SAXO1: variants seen among roughly 807,000 people sequenced by gnomAD.
The protein encoded by SAXO1 is 4930500O09Rik.
Under a neutral mutation model 17.5 loss-of-function variants are expected in SAXO1, and 21 were observed. The observed-to-expected ratio is 1.20, with a 90% confidence interval of 0.85 to 1.72. The LOEUF is 1.72. Ranked by LOEUF, SAXO1 falls within the 40% of genes most tolerant of loss-of-function variation. The pLI is 0.00. For synonymous variants in SAXO1, 274 were observed against 216.5 expected, an observed-to-expected ratio of 1.27 and a Z score of -2.33; for missense variants, 843 against 596.0, an observed-to-expected ratio of 1.41 and a Z score of -4.32.
At chr9:18,992,024 A>C (rs937132833) in intron 1 of SAXO1, among the ~76,000 whole-genome samples, 3 of 152,216 alleles carry the variant, frequency 2.0e-5, no homozygotes, top group Non-Finnish European at 4.4e-5. Flanking sequence ...GTCTATCCCA[A>C]AATGCCAGGC....
At chr9:18,945,208 G>T (rs1347752153) in intron 2 of SAXO1, among the ~76,000 whole-genome samples, 1 of 152,022 alleles carries the variant, frequency 6.6e-6, no homozygotes, top group Non-Finnish European at 1.5e-5. Context: ...CTCTCCTCAT[G>T]TCCCACCCAT....
chr9:18,970,522 G>C (rs917270523), intron 1 of SAXO1, among the ~76,000 whole-genome samples: 4 of 152,146 alleles, frequency 2.6e-5, no homozygotes, highest in Non-Finnish European at 4.4e-5. Flanking sequence ...GGAAGTTCTG[G>C]ATGAGTCTAT....
chr9:19,027,260 G>C, intron 1 of SAXO1: 1 of 1,018,244 alleles, frequency 9.8e-7, no homozygotes, highest in Non-Finnish European at 1.6e-6. Flanking sequence ...TGATTGGATT[G>C]GTGGATGTTG....
intron 1 of SAXO1, among the ~76,000 whole-genome samples, chr9:18,971,257 G>A (rs1256297027): frequency 3.3e-5 from 5 of 152,092 alleles, no homozygotes; most frequent in Non-Finnish European, 5.9e-5. Context: ...TCCACTGCTC[G>A]TAAGCTGCCA....
chr9:18,989,449 T>C (rs941116005), intron 1 of SAXO1, among the ~76,000 whole-genome samples: 8 of 152,192 alleles, frequency 5.3e-5, no homozygotes, highest in African/African-American at 1.9e-4. Context: ...CCATAGTTAC[T>C]AATGCAGATT....
intron 1 of SAXO1, among the ~76,000 whole-genome samples, chr9:19,029,427 T>G (rs917326889): frequency 6.6e-6 from 1 of 152,206 alleles, no homozygotes; most frequent in African/African-American, 2.4e-5. Flanking sequence ...TGTCTCTGAC[T>G]TCTTCATGCA....
chr9:19,022,913 C>T (rs1264974900), intron 1 of SAXO1, among the ~76,000 whole-genome samples: 1 of 151,984 alleles, frequency 6.6e-6, no homozygotes, highest in African/African-American at 2.4e-5. Context: ...GTCTTTAATC[C>T]CCAGAGTCAT....
intron 1 of SAXO1, among the ~76,000 whole-genome samples, chr9:19,005,729 T>G (rs1834457914): frequency 6.6e-6 from 1 of 152,234 alleles, no homozygotes; most frequent in Non-Finnish European, 1.5e-5. Context: ...AATGATTTCT[T>G]GGCTATGACA....
intron 1 of SAXO1, among the ~76,000 whole-genome samples, chr9:18,963,304 T>G (rs1449845161): frequency 6.6e-6 from 1 of 152,220 alleles, no homozygotes; most frequent in African/African-American, 2.4e-5. Flanking sequence ...TTTGGTTCCA[T>G]AAGAAATTTA....
intron 1 of SAXO1, among the ~76,000 whole-genome samples, chr9:19,007,992 G>A (rs906388732): frequency 8.8e-5 from 13 of 146,984 alleles, no homozygotes; most frequent in Non-Finnish European, 1.0e-4. Context: ...TTTTTTTGGA[G>A]ACAGGGTCTC....
intron 1 of SAXO1, among the ~76,000 whole-genome samples, chr9:18,990,513 G>T (rs539287924): frequency 2.2e-4 from 34 of 152,290 alleles, no homozygotes; most frequent in Admixed American, 1.4e-3. Flanking sequence ...TGAGGCTGCA[G>T]TGAGCCATGT....
chr9:18,971,376 T>A lies in SAXO1; in HGVS notation c.39-20439A>T, dbSNP rs549888172. Among the ~76,000 whole-genome samples, 5 of 152,248 alleles carry A rather than the reference T, an allele frequency of 3.3e-5. No individual in the cohort carries two copies. In the South Asian group the frequency reaches 1.0e-3, roughly 32 times the overall value. Reference sequence around the variant, plus strand: ...CTGTTGTATCTTCCATCAAAATGTATCAGGGCTAATCTATATTTTCTGTCT... The same window carrying A: ...CTGTTGTATCTTCCATCAAAATGTAACAGGGCTAATCTATATTTTCTGTCT... On this transcript the variant is annotated intron_variant, in intron 1 of 3. Coordinates refer to ENST00000380534, the MANE Select transcript of SAXO1 (RefSeq NM_153707.4).
rs553823877 is a variant in SAXO1, at chr9:18,989,975, A to G, written c.39-39038T>C. On this transcript the variant is annotated intron_variant, in intron 1 of 3. Transcript: ENST00000380534. ...ACATACAAAAGGAGTTTCTTTACCTATGCTATCTTACTTGAACCATAAAAC... is the reference window on the plus strand; with the variant it reads ...ACATACAAAAGGAGTTTCTTTACCTGTGCTATCTTACTTGAACCATAAAAC... Among the ~76,000 whole-genome samples, 80 of 152,240 alleles carry G rather than the reference A, an allele frequency of 5.3e-4. 1 individual carries two copies. The highest frequency in any genetic ancestry group is 1.0e-3 in the Non-Finnish European group (71 of 68,042).
At chr9:19,043,872 C>CAGTG (rs1836138107) in intron 1 of SAXO1, among the ~76,000 whole-genome samples, 1 of 152,058 alleles carries the variant, frequency 6.6e-6, no homozygotes, top group Non-Finnish European at 1.5e-5. Context: ...GAGCCTGGCA[C>CAGTG]AGTGACTCAC....
In SAXO1 at chr9:18,928,672, A is replaced by C; in HGVS notation, c.805T>G (p.Cys269Gly). Reference protein sequence around the residue: ...ARPPGLDMPFCNTTEFRDKYQ... With the variant: ...ARPPGLDMPFGNTTEFRDKYQ... Reference sequence around the variant, plus strand: ...TTATCTCGAAACTCAGTGGTGTTACAGAAAGGCATGTCTAGCCCAGGAGGC... The same window carrying C: ...TTATCTCGAAACTCAGTGGTGTTACCGAAAGGCATGTCTAGCCCAGGAGGC... Residue 269 changes from cysteine (C) to glycine (G), a missense_variant, in exon 4 of 4, where the codon TGT becomes GGT. Physicochemically the swap from Cys to Gly is radical, Grantham distance 159. Transcript: ENST00000380534. The C allele has an allele frequency of 6.2e-7, 1 of 1,614,168 alleles. No individual in the cohort carries two copies. Among genetic ancestry groups the C allele is most frequent in the South Asian group, 1.1e-5 (1 of 91,078 alleles).
chr9:19,013,542 T>A, intron 1 of SAXO1, among the ~76,000 whole-genome samples: 1 of 113,262 alleles, frequency 8.8e-6, no homozygotes, highest in African/African-American at 4.1e-5. Context: ...AAGTACGGAT[T>A]TTTTTTTTTT....
intron 1 of SAXO1, among the ~76,000 whole-genome samples, chr9:18,967,339 C>T (rs545109714): frequency 1.6e-4 from 24 of 152,310 alleles, no homozygotes; most frequent in African/African-American, 5.5e-4. Flanking sequence ...GCTGAAGCTG[C>T]ATCCACAGCC....
chr9:19,020,022 TAA>T (rs368560199), intron 1 of SAXO1, among the ~76,000 whole-genome samples: 2,649 of 141,344 alleles, frequency 0.019, 76 homozygotes, highest in African/African-American at 0.063. Context: ...CAGGTATTAT[TAA>T]AAAAAAAAAA....
At chr9:18,970,323 C>T (rs1298271269) in intron 1 of SAXO1, among the ~76,000 whole-genome samples, 4 of 152,222 alleles carry the variant, frequency 2.6e-5, no homozygotes, top group Admixed American at 2.6e-4. Flanking sequence ...ATTTCTCCCT[C>T]CACAAGTCCC....
Sources: allele counts gnomAD v4.1 joint callset (sites outside exome capture counted in the v4.1 genomes callset), GRCh38; gene constraint gnomAD v4.1.1; transcripts MANE v1.5; gene names NCBI Gene and HGNC (gene_info 2026-07-23, HGNC 2026-07-21).